MEMO1: variants seen among roughly 807,000 people sequenced by gnomAD.
MEMO1 encodes the protein protein MEMO1.
Under a neutral mutation model 45.2 loss-of-function variants are expected in MEMO1, and 6 were observed. The ratio of observed to expected loss-of-function variants is 0.13; its 90% CI spans 0.07 to 0.26. MEMO1 has a LOEUF of 0.26. Among genes scored for constraint, MEMO1 ranks in the 10% least tolerant of loss-of-function variants. MEMO1 has a pLI of 1.00. For missense variants in MEMO1, 184 were observed against 370.5 expected (o/e 0.50, Z 4.13); for synonymous variants, 78 against 124.3 (o/e 0.63, Z 2.48).
In MEMO1 at chr2:31,993,836, C is replaced by T. The variant is rs181649238; in HGVS notation, c.61+16351G>A. 3.1e-3 allele frequency among the ~76,000 whole-genome samples: 472 copies of T among 151,164 alleles called. 2 individuals are homozygous for T. The highest frequency in any genetic ancestry group is 0.011 in the African/African-American group (445 of 41,200). ...ATGATAGAACTCCACCAAGGCCAAACTATCCTATTTTTTATCCTAAAAAAT... is the reference window on the plus strand; with the variant it reads ...ATGATAGAACTCCACCAAGGCCAAATTATCCTATTTTTTATCCTAAAAAAT... On this transcript the variant is annotated intron_variant, in intron 2 of 9. Coordinates refer to ENST00000404530, the MANE Select transcript of MEMO1 (RefSeq NM_001301833.4).
intron 6 of MEMO1, among the ~76,000 whole-genome samples, chr2:31,901,340 T>C (rs1319296420): frequency 8.9e-6 from 1 of 112,106 alleles, no homozygotes; most frequent in African/African-American, 3.6e-5. Flanking sequence ...GCCACTGCAC[T>C]CCAGCCTGAG....
chr2:31,984,561 G>A (rs1322994162), intron 2 of MEMO1, among the ~76,000 whole-genome samples: 1 of 152,224 alleles, frequency 6.6e-6, no homozygotes, highest in Non-Finnish European at 1.5e-5. Context: ...TGTAATCTCA[G>A]CACTTTGGGA....
intron 8 of MEMO1, among the ~76,000 whole-genome samples, chr2:31,877,454 AC>A (rs1674721661): frequency 6.6e-6 from 1 of 152,214 alleles, no homozygotes; most frequent in Non-Finnish European, 1.5e-5. Flanking sequence ...CCATAAGACT[AC>A]AGAATATCTA....
At chr2:31,994,319 G>A (rs956610011) in intron 2 of MEMO1, among the ~76,000 whole-genome samples, 3 of 151,730 alleles carry the variant, frequency 2.0e-5, no homozygotes, top group Non-Finnish European at 1.5e-5. Flanking sequence ...AAGTCACAAT[G>A]TCTGGCATCC....
intron 2 of MEMO1, among the ~76,000 whole-genome samples, chr2:31,967,792 G>A (rs982969333): frequency 2.6e-5 from 4 of 152,302 alleles, no homozygotes; most frequent in South Asian, 4.1e-4. Flanking sequence ...TTTTGAAAAT[G>A]TGTGTTTGTG....
intron 6 of MEMO1, among the ~76,000 whole-genome samples, chr2:31,911,695 TA>T (rs759428858): frequency 6.6e-6 from 1 of 152,156 alleles, no homozygotes; most frequent in Admixed American, 6.5e-5. Flanking sequence ...ATATCATCAA[TA>T]TGGATAAACA....
At chr2:32,000,816 C>T (rs1673211397) in intron 2 of MEMO1, among the ~76,000 whole-genome samples, 1 of 151,702 alleles carries the variant, frequency 6.6e-6, no homozygotes, top group African/African-American at 2.4e-5. Flanking sequence ...TGACATAGCC[C>T]TCAAGAGGTC....
intron 6 of MEMO1, among the ~76,000 whole-genome samples, chr2:31,916,355 A>C (rs963105643): frequency 7.9e-5 from 12 of 151,964 alleles, no homozygotes; most frequent in African/African-American, 2.9e-4. Context: ...CAGCCTCCCA[A>C]GTAGCTGGGA....
At chr2:31,970,812 T>G (rs1669303022) in intron 2 of MEMO1, among the ~76,000 whole-genome samples, 1 of 152,178 alleles carries the variant, frequency 6.6e-6, no homozygotes, top group Non-Finnish European at 1.5e-5. Flanking sequence ...GAGACCAGCC[T>G]GGCCAACGTG....
chr2:31,939,168 G>C (rs1665312882), intron 3 of MEMO1, among the ~76,000 whole-genome samples: 1 of 150,898 alleles, frequency 6.6e-6, no homozygotes, highest in African/African-American at 2.4e-5. Flanking sequence ...AACCATATAA[G>C]ATAAAACTTG....
At chr2:31,908,715 C>A (rs1680123024) in intron 6 of MEMO1, among the ~76,000 whole-genome samples, 2 of 152,198 alleles carry the variant, frequency 1.3e-5, no homozygotes, top group African/African-American at 4.8e-5. Context: ...AGGGCCCCAA[C>A]AAATACCCAC....
intron 2 of MEMO1, among the ~76,000 whole-genome samples, chr2:31,946,025 G>T (rs977893160): frequency 2.0e-5 from 3 of 152,114 alleles, no homozygotes; most frequent in Non-Finnish European, 2.9e-5. Context: ...TGATACACGT[G>T]TCATTCTGGT....
At chr2:31,976,038 G>A (rs1282316460) in intron 2 of MEMO1, among the ~76,000 whole-genome samples, 1 of 152,054 alleles carries the variant, frequency 6.6e-6, no homozygotes, top group East Asian at 1.9e-4. Flanking sequence ...TTCCAGATGT[G>A]CACCACCATA....
At chr2:31,919,360 T>C (rs1371450187) in intron 5 of MEMO1, among the ~76,000 whole-genome samples, 1 of 152,010 alleles carries the variant, frequency 6.6e-6, no homozygotes, top group Non-Finnish European at 1.5e-5. Flanking sequence ...GCCACATTGC[T>C]CAGACTGGTC....
At chr2:31,931,788 T>C (rs1265250363) in intron 4 of MEMO1, among the ~76,000 whole-genome samples, 1 of 152,174 alleles carries the variant, frequency 6.6e-6, no homozygotes. Flanking sequence ...TGCTCATCTC[T>C]GGGTTTTCAA....
intron 4 of MEMO1, among the ~76,000 whole-genome samples, chr2:31,923,287 T>C (rs1682602985): frequency 1.3e-5 from 2 of 152,156 alleles, no homozygotes; most frequent in South Asian, 4.1e-4. Context: ...AAGTGTCTGT[T>C]CATGTCCTTT....
At chr2:32,010,344 C>T (rs1674716483) in intron 1 of MEMO1, 80 bp from the exon 2 acceptor site, 11 of 651,272 alleles carry the variant, frequency 1.7e-5, no homozygotes, top group Non-Finnish European at 1.7e-5. Context: ...ACACCGCGGG[C>T]CCAGCCCAGG....
chr2:31,935,684 T>C (rs906712787), intron 3 of MEMO1, among the ~76,000 whole-genome samples: 9 of 152,054 alleles, frequency 5.9e-5, no homozygotes, highest in African/African-American at 9.7e-5. Context: ...CCCAGAAACA[T>C]GGTAATGAAG....
chr2:31,949,926 A>G (rs1393524837), intron 2 of MEMO1, among the ~76,000 whole-genome samples: 1 of 152,158 alleles, frequency 6.6e-6, no homozygotes, highest in African/African-American at 2.4e-5. Context: ...GCAAAAAATA[A>G]AAATTAAAAA....
Sources: allele counts gnomAD v4.1 joint callset (sites outside exome capture counted in the v4.1 genomes callset), GRCh38; gene constraint gnomAD v4.1.1; transcripts MANE v1.5; gene names NCBI Gene and HGNC (gene_info 2026-07-23, HGNC 2026-07-21).